Variants in SHISA6 observed in about 807,000 individuals in gnomAD.
The protein encoded by SHISA6 is protein shisa-6.
SHISA6 carries 22 observed loss-of-function variants against 47.9 expected under a neutral mutation model. The ratio of observed to expected loss-of-function variants is 0.46; its 90% CI spans 0.33 to 0.66. The LOEUF is 0.66. Among genes scored for constraint, SHISA6 ranks in the 30% least tolerant of loss-of-function variants. The pLI is 0.02. For synonymous variants in SHISA6, 388 were observed against 337.8 expected (o/e 1.15, Z -1.63); for missense variants, 680 against 764.6 (o/e 0.89, Z 1.30).
At chr17:11,254,619 G>A (rs1907942078) in intron 1 of SHISA6, among the ~76,000 whole-genome samples, 2 of 152,188 alleles carry the variant, frequency 1.3e-5, no homozygotes, top group South Asian at 4.1e-4. Flanking sequence ...GGGCAGGGCT[G>A]CCCCTACCTC....
At chr17:11,437,456 G>A (rs1016983521) in intron 3 of SHISA6, among the ~76,000 whole-genome samples, 1 of 152,162 alleles carries the variant, frequency 6.6e-6, no homozygotes, top group African/African-American at 2.4e-5. Flanking sequence ...TATCACAAGT[G>A]CCTGCTACTG....
chr17:11,539,237 C>T (rs917672945), intron 3 of SHISA6, among the ~76,000 whole-genome samples: 6 of 152,320 alleles, frequency 3.9e-5, no homozygotes, highest in South Asian at 4.1e-4. Context: ...CCACCACACC[C>T]GGCCCACCTC....
intron 3 of SHISA6, among the ~76,000 whole-genome samples, chr17:11,477,141 C>T (rs1186111331): frequency 6.6e-6 from 1 of 152,134 alleles, no homozygotes; most frequent in African/African-American, 2.4e-5. Flanking sequence ...TACTTGCAAT[C>T]TATATGTGTC....
At chr17:11,275,492 A>G (rs1908855205) in intron 2 of SHISA6, among the ~76,000 whole-genome samples, 1 of 152,204 alleles carries the variant, frequency 6.6e-6, no homozygotes, top group Non-Finnish European at 1.5e-5. Flanking sequence ...TCAGCAATAC[A>G]GTGAACAAAA....
chr17:11,341,818 A>C (rs1478906200), intron 2 of SHISA6, among the ~76,000 whole-genome samples: 1 of 152,170 alleles, frequency 6.6e-6, no homozygotes, highest in Non-Finnish European at 1.5e-5. Context: ...TTGCCCATAG[A>C]CTGCACTTTG....
intron 3 of SHISA6, among the ~76,000 whole-genome samples, chr17:11,518,746 A>G (rs746668781): frequency 6.6e-6 from 1 of 152,214 alleles, no homozygotes; most frequent in Non-Finnish European, 1.5e-5. Context: ...GGAGGCACCC[A>G]TTGGAATATT....
At chr17:11,405,488 A>T (rs1913920534) in intron 3 of SHISA6, among the ~76,000 whole-genome samples, 1 of 152,100 alleles carries the variant, frequency 6.6e-6, no homozygotes, top group African/African-American at 2.4e-5. Flanking sequence ...ACTAATTTCT[A>T]AAGCTTCCCA....
At chr17:11,354,754 C>T (rs1016519752) in intron 2 of SHISA6, among the ~76,000 whole-genome samples, 2 of 152,242 alleles carry the variant, frequency 1.3e-5, no homozygotes, top group African/African-American at 2.4e-5. Context: ...TCCCCCACCC[C>T]CTATCCTCAG....
intron 1 of SHISA6, among the ~76,000 whole-genome samples, chr17:11,253,944 C>T (rs569730386): frequency 5.9e-5 from 9 of 152,244 alleles, no homozygotes; most frequent in African/African-American, 2.2e-4. Context: ...CTCTGTGGTT[C>T]TCTCTCAGTG....
At chr17:11,373,127 T>A (rs1597481333) in intron 2 of SHISA6, among the ~76,000 whole-genome samples, 1 of 151,882 alleles carries the variant, frequency 6.6e-6, no homozygotes, top group South Asian at 2.1e-4. Context: ...TACAGATAAA[T>A]ACATTCATGT....
intron 2 of SHISA6, among the ~76,000 whole-genome samples, chr17:11,286,854 AAT>A (rs1182170317): frequency 1.3e-5 from 2 of 152,226 alleles, no homozygotes; most frequent in African/African-American, 4.8e-5. Context: ...ATTCAGGAGA[AAT>A]AATTCCAGCT....
intron 2 of SHISA6, among the ~76,000 whole-genome samples, chr17:11,271,921 T>C (rs1908684471): frequency 6.6e-6 from 1 of 152,098 alleles, no homozygotes; most frequent in Non-Finnish European, 1.5e-5. Context: ...AGCCTGGGGA[T>C]ATGTTCAGCC....
At chr17:11,269,755 T>A (rs1299541940) in intron 2 of SHISA6, among the ~76,000 whole-genome samples, 1 of 151,938 alleles carries the variant, frequency 6.6e-6, no homozygotes, top group Non-Finnish European at 1.5e-5. Flanking sequence ...GATGGTGAGA[T>A]TAGCTGGCCA....
chr17:11,241,619 G>C lies in SHISA6; in HGVS notation c.197G>C (p.Gly66Ala). The change falls in exon 1 of 6, where the codon GGA (glycine) becomes GCA (alanine). Residue 66 changes from glycine (G) to alanine (A), a missense_variant. Physicochemically the swap from Gly to Ala is moderately conservative, Grantham distance 60. Transcript: ENST00000441885. This position sits in a 1 kb window ranked among gnomAD's most constrained non-coding sequence, Gnocchi z 5.5. ...RELNGTARAPGIPEAGSRRGQ... is the reference protein window; with the variant it reads ...RELNGTARAPAIPEAGSRRGQ... ...CTGAACGGCACCGCCCGGGCGCCCGGAATCCCGGAGGCGGGAAGCCGGCGG... is the reference window on the plus strand; with the variant it reads ...CTGAACGGCACCGCCCGGGCGCCCGCAATCCCGGAGGCGGGAAGCCGGCGG... 3.0e-6 allele frequency: 4 copies of C among 1,325,408 alleles called. No individual in the cohort carries two copies. The highest frequency in any genetic ancestry group is 9.5e-7 in the Non-Finnish European group (1 of 1,047,976). The allele number at this position is 1,325,408 out of a possible 1,614,324, so 82.1% of individuals were successfully genotyped here.
At chr17:11,256,248 G>A (rs189492087) in intron 1 of SHISA6, among the ~76,000 whole-genome samples, 26 of 152,282 alleles carry the variant, frequency 1.7e-4, no homozygotes, top group African/African-American at 5.3e-4. Context: ...TAGTCTCAGC[G>A]CTGTGGGAGG....
chr17:11,276,999 G>A (rs1387999328), intron 2 of SHISA6, among the ~76,000 whole-genome samples: 3 of 152,192 alleles, frequency 2.0e-5, no homozygotes, highest in Non-Finnish European at 2.9e-5. Context: ...ACGAGGGGAA[G>A]ACAGGAGTCA....
chr17:11,451,079 T>C (rs1172128762), intron 3 of SHISA6, among the ~76,000 whole-genome samples: 1 of 151,386 alleles, frequency 6.6e-6, no homozygotes, highest in East Asian at 1.9e-4. Flanking sequence ...GGTCAGACTG[T>C]GGGGCTTCGG....
chr17:11,441,817 G>A (rs565475812), intron 3 of SHISA6, among the ~76,000 whole-genome samples: 3 of 152,198 alleles, frequency 2.0e-5, no homozygotes, highest in East Asian at 1.9e-4. Flanking sequence ...GTGCCATGAC[G>A]AAGGGCACTG....
In SHISA6 at chr17:11,496,043, A is replaced by G. The variant is rs550526593; in HGVS notation, c.896-55853A>G. ...CATCCATCCATCCATCACACAACAG[A>G]TTAATGATGGCCTACTCTGTACCAG... On this transcript the variant is annotated intron_variant, in intron 3 of 5. Transcript: ENST00000441885. 2.7e-5 allele frequency among the ~76,000 whole-genome samples: 4 copies of G among 148,616 alleles called. No individual in the cohort carries two copies. The South Asian group carries it at 8.4e-4, about 31-fold the overall frequency.
Sources: allele counts gnomAD v4.1 joint callset (sites outside exome capture counted in the v4.1 genomes callset), GRCh38; gene constraint gnomAD v4.1.1; non-coding constraint Gnocchi (gnomAD v3.1); transcripts MANE v1.5; gene names NCBI Gene and HGNC (gene_info 2026-07-23, HGNC 2026-07-21).